IP6K1: variants seen among roughly 807,000 people sequenced by gnomAD.
IP6K1 encodes the protein inositol hexakisphosphate kinase 1.
IP6K1 carries 13 observed loss-of-function variants against 38.3 expected under a neutral mutation model. That is an observed-to-expected ratio of 0.34 (90% confidence interval 0.22 to 0.54). The LOEUF (loss-of-function observed/expected upper bound fraction) is 0.54. Ranked by LOEUF, IP6K1 falls within the 20% of genes least tolerant of loss-of-function variation. The pLI, the probability that IP6K1 is intolerant of heterozygous loss-of-function variation, is 0.92. For synonymous variants in IP6K1, 212 were observed against 229.9 expected, an observed-to-expected ratio of 0.92 and a Z score of 0.70; for missense variants, 397 against 599.8, an observed-to-expected ratio of 0.66 and a Z score of 3.53.
At chr3:49,781,638 G>C (rs935462009) in intron 1 of IP6K1, among the ~76,000 whole-genome samples, 1 of 152,170 alleles carries the variant, frequency 6.6e-6, no homozygotes, top group East Asian at 1.9e-4. Context: ...CATTTGGTTA[G>C]TGGGGATTAG....
chr3:49,752,693 T>C (rs2080788874), intron 1 of IP6K1, among the ~76,000 whole-genome samples: 1 of 151,148 alleles, frequency 6.6e-6, no homozygotes, highest in Non-Finnish European at 1.5e-5. Flanking sequence ...CGACCTCAGG[T>C]GATCTGCCCG....
chr3:49,777,879 A>G (rs1489798665), intron 1 of IP6K1, among the ~76,000 whole-genome samples: 1 of 151,984 alleles, frequency 6.6e-6, no homozygotes, highest in Non-Finnish European at 1.5e-5. Context: ...CGCGCCACGC[A>G]CTCCAGCCTG....
chr3:49,783,764 C>T (rs968560589), intron 1 of IP6K1, among the ~76,000 whole-genome samples: 3 of 151,622 alleles, frequency 2.0e-5, no homozygotes, highest in Admixed American at 6.6e-5. Context: ...TATCCCCCTC[C>T]TTTCAAGAAC....
chr3:49,768,011 G>C (rs1404342867), intron 1 of IP6K1, among the ~76,000 whole-genome samples: 1 of 146,624 alleles, frequency 6.8e-6, no homozygotes, highest in Non-Finnish European at 1.5e-5. Flanking sequence ...GCCACAATGA[G>C]AAACTACTTC....
Position 49,747,699 on chromosome 3 carries a change from C to T in IP6K1, c.223+119G>A, listed in dbSNP as rs112892026. 55 of 1,324,726 alleles carry T rather than the reference C, an allele frequency of 4.2e-5. No homozygotes were observed. In the South Asian group the frequency reaches 4.7e-4, roughly 11 times the overall value. The allele number at this position is 1,324,726 out of a possible 1,614,324, so 82.1% of individuals were successfully genotyped here. A position where few individuals can be genotyped will look rare whatever the true frequency, so the allele number is the denominator to read the frequency against. Reference sequence around the variant, plus strand: ...CTAATTTTATCTAACAAAGTGACTTCGTGCTTTGAGAAAAAAGACCTACAA... The same window carrying T: ...CTAATTTTATCTAACAAAGTGACTTTGTGCTTTGAGAAAAAAGACCTACAA... On this transcript the variant is annotated intron_variant, in intron 2 of 5. Transcript: ENST00000321599.
At chr3:49,784,982 CA>C (rs1416050767) in intron 1 of IP6K1, among the ~76,000 whole-genome samples, 1 of 152,060 alleles carries the variant, frequency 6.6e-6, no homozygotes, top group African/African-American at 2.4e-5. Flanking sequence ...AAAAAGTGCA[CA>C]AAGTATTGTC....
chr3:49,729,847 T>C (rs2080548372), intron 4 of IP6K1, among the ~76,000 whole-genome samples: 1 of 151,984 alleles, frequency 6.6e-6, no homozygotes, highest in Admixed American at 6.6e-5. Flanking sequence ...CCTCCCACCC[T>C]CAGCCTCTGG....
chr3:49,780,112 AAT>A (rs1207588880), intron 1 of IP6K1, among the ~76,000 whole-genome samples: 5 of 152,252 alleles, frequency 3.3e-5, no homozygotes, highest in African/African-American at 1.2e-4. Flanking sequence ...ATGAGACAGG[AAT>A]AAATAAGCTA....
In IP6K1 at chr3:49,748,022, T is replaced by C. The variant is rs1324326202; in HGVS notation, c.19A>G (p.Met7Val). 1 of 1,613,426 alleles carries C rather than the reference T, an allele frequency of 6.2e-7. No homozygotes were observed. MCVCQT[M>V]EVGQYGKNAS... ...TTCTTGCCATACTGCCCCACTTCCATGGTTTGACAAACACACATTGCGTTG... is the reference window on the plus strand; with the variant it reads ...TTCTTGCCATACTGCCCCACTTCCACGGTTTGACAAACACACATTGCGTTG... The change falls in exon 2 of 6, where the codon ATG (methionine) becomes GTG (valine). Residue 7 changes from methionine (M) to valine (V), a missense_variant. Met to Val is a conservative substitution (Grantham distance 21, BLOSUM62 1). Transcript: ENST00000321599.
chr3:49,779,147 A>G (rs2081044128), intron 1 of IP6K1, among the ~76,000 whole-genome samples: 2 of 152,216 alleles, frequency 1.3e-5, no homozygotes, highest in Admixed American at 1.3e-4. Flanking sequence ...ACCACCTCCA[A>G]GCCCTAAGCA....
At chr3:49,761,799 T>C (rs2080870388) in intron 1 of IP6K1, among the ~76,000 whole-genome samples, 1 of 151,440 alleles carries the variant, frequency 6.6e-6, no homozygotes, top group Admixed American at 6.6e-5. Context: ...ACAGAAAAAA[T>C]GAAAATTAGG....
intron 4 of IP6K1, among the ~76,000 whole-genome samples, chr3:49,728,736 C>T (rs897507481): frequency 3.2e-4 from 48 of 151,988 alleles, no homozygotes; most frequent in African/African-American, 1.1e-3. Flanking sequence ...CCACTACACC[C>T]GGCTCATTTT....
intron 1 of IP6K1, among the ~76,000 whole-genome samples, chr3:49,769,062 A>C (rs2080934736): frequency 6.6e-6 from 1 of 152,216 alleles, no homozygotes; most frequent in Admixed American, 6.5e-5. Context: ...ATTTAACAAA[A>C]CGTGAAAGAA....
intron 3 of IP6K1, among the ~76,000 whole-genome samples, chr3:49,734,064 G>A (rs1036841761): frequency 6.6e-5 from 10 of 152,176 alleles, no homozygotes; most frequent in African/African-American, 2.4e-4. Flanking sequence ...CCTGAGCCCA[G>A]GGGGCTGAGG....
At chr3:49,743,155 G>A (rs1205856571) in intron 2 of IP6K1, among the ~76,000 whole-genome samples, 3 of 151,818 alleles carry the variant, frequency 2.0e-5, no homozygotes, top group Non-Finnish European at 4.4e-5. Context: ...AGGAGGTAGA[G>A]GTTGCAGTGA....
intron 1 of IP6K1, among the ~76,000 whole-genome samples, chr3:49,775,799 C>T (rs182534450): frequency 6.6e-6 from 1 of 152,206 alleles, no homozygotes; most frequent in Non-Finnish European, 1.5e-5. Flanking sequence ...GAAAAGGATT[C>T]TTCACAGAGC....
chr3:49,758,269 G>A (rs1302131029), intron 1 of IP6K1, among the ~76,000 whole-genome samples: 11 of 126,088 alleles, frequency 8.7e-5, no homozygotes, highest in Admixed American at 2.1e-4. Context: ...AGCTGAGATC[G>A]CACCACTACA....
At position 49,780,355 on chromosome 3, in the gene IP6K1, C is replaced by T. The variant is rs114097743; in HGVS notation, c.-129+5999G>A. Among the ~76,000 whole-genome samples the T allele has an allele frequency of 2.9e-3, 441 of 151,258 alleles. 2 individuals are homozygous for T. Among genetic ancestry groups the T allele is most frequent in the African/African-American group, 0.01 (431 of 41,086 alleles). On this transcript the variant is annotated intron_variant, in intron 1 of 5. Transcript: ENST00000321599. ...ACACACACACACAGTCTTAGGCTTT[C>T]CTACCCAGAATCTATTGCTCAAATT...
At chr3:49,778,440 C>T (rs576147486) in intron 1 of IP6K1, among the ~76,000 whole-genome samples, 75 of 152,088 alleles carry the variant, frequency 4.9e-4, no homozygotes, top group Middle Eastern at 3.4e-3. Flanking sequence ...CAAGACTAGC[C>T]TGGCCAACAC....
Sources: allele counts gnomAD v4.1 joint callset (sites outside exome capture counted in the v4.1 genomes callset), GRCh38; gene constraint gnomAD v4.1.1; transcripts MANE v1.5; gene names NCBI Gene and HGNC (gene_info 2026-07-23, HGNC 2026-07-21).